The following FUT8 variants were observed in gnomAD, a reference collection of about 807,000 sequenced individuals.
FUT8 encodes alpha-(1,6)-fucosyltransferase.
A neutral mutation model predicts 71.3 loss-of-function variants in FUT8; 29 were observed. The ratio of observed to expected loss-of-function variants is 0.41; its 90% confidence interval spans 0.30 to 0.55. The LOEUF (loss-of-function observed/expected upper bound fraction) is 0.55, where lower values mean the gene tolerates loss of function less well. FUT8 is among the 20% of genes least tolerant of loss of function. The pLI, the probability that FUT8 is intolerant of heterozygous loss-of-function variation, is 0.34. For missense variants in FUT8, 544 were observed against 702.1 expected (o/e 0.77, Z 2.55); for synonymous variants, 254 against 239.3 (o/e 1.06, Z -0.57).
chr14:65,521,469 A>G (rs951703396), intron 2 of FUT8, among the ~76,000 whole-genome samples: 1 of 152,180 alleles, frequency 6.6e-6, no homozygotes, highest in Non-Finnish European at 1.5e-5. Context: ...GTAATAAGGA[A>G]TGTTGGAATT....
rs1428776973 is a variant in FUT8 at position 65,660,728 on chromosome 14, C to T, written c.598-8515C>T. 6.6e-6 allele frequency among the ~76,000 whole-genome samples: 1 copy of T among 152,144 alleles called. No homozygotes were observed. The highest frequency in any genetic ancestry group is 1.9e-4 in the East Asian group (1 of 5,192). On this transcript the variant is annotated intron_variant, in intron 6 of 10. Transcript: ENST00000673929. This position sits in a 1 kb window ranked among gnomAD's most constrained non-coding sequence, Gnocchi z 4.1. The stretch of plus-strand genomic sequence containing the variant: ...TATTCTTGTTTAATATGTTAAGGGA[C>T]AATAATTTCTGGTCTTGGCTTTTAA...
chr14:65,624,284 CTTTT>C (rs61702275), intron 5 of FUT8, among the ~76,000 whole-genome samples: 1 of 145,748 alleles, frequency 6.9e-6, no homozygotes, highest in Admixed American at 6.8e-5. Context: ...TTAGTGTACT[CTTTT>C]TTTTTTTTTT....
chr14:65,611,241 A>G lies in FUT8; in HGVS notation c.204-4737A>G, dbSNP rs1392597463. On this transcript the variant is annotated intron_variant, in intron 3 of 10. Transcript: ENST00000673929. Reference sequence around the variant, plus strand: ...CGCGCGCGCACACACACACACACACACACACACACACACACACACACACAC... The same window carrying G: ...CGCGCGCGCACACACACACACACACGCACACACACACACACACACACACAC... Among the ~76,000 whole-genome samples, 3 of 13,764 alleles carry G rather than the reference A, an allele frequency of 2.2e-4. 1 individual carries two copies. Among genetic ancestry groups the G allele is most frequent in the African/African-American group, 1.0e-3 (3 of 2,862 alleles). The allele number at this position is 13,764 out of a possible 152,430, so 9.0% of individuals were successfully genotyped here.
rs376473739 is a variant in FUT8 at position 65,576,696 on chromosome 14, C to CTTT, written c.203+14969_203+14971dup. ...GGTGTGTGCCATGATGCCCAGCTTG[C>CTTT]TTTTTTTTTTTTTTTTTTTTTTTTT... On this transcript the variant is annotated intron_variant, in intron 3 of 10. Coordinates refer to ENST00000673929, the MANE Select transcript of FUT8 (RefSeq NM_001371533.1). Among the ~76,000 whole-genome samples the CTTT allele has an allele frequency of 3.2e-4, 31 of 96,212 alleles. 5 individuals are homozygous for CTTT. The highest frequency in any genetic ancestry group is 1.5e-3 in the African/African-American group (24 of 15,906). 63.1% of individuals were successfully genotyped at this position (96,212 alleles called of 152,430 possible). A position where few individuals can be genotyped will look rare whatever the true frequency, so the allele number is the denominator to read the frequency against.
At chr14:65,573,222 T>A (rs1886582692) in intron 3 of FUT8, among the ~76,000 whole-genome samples, 1 of 152,030 alleles carries the variant, frequency 6.6e-6, no homozygotes. Context: ...CTTTGCCTGC[T>A]CCCCACCCAC....
intron 9 of FUT8, 52 bp downstream of exon 9, chr14:65,724,375 A>G: frequency 8.7e-7 from 1 of 1,152,270 alleles, no homozygotes; most frequent in Non-Finnish European, 1.2e-6. Flanking sequence ...TTTCAGTTTA[A>G]AAGAATTCTT....
chr14:65,557,018 A>G (rs1371779304), intron 2 of FUT8, among the ~76,000 whole-genome samples: 1 of 152,150 alleles, frequency 6.6e-6, no homozygotes, highest in Non-Finnish European at 1.5e-5. Flanking sequence ...TCAGCATTAA[A>G]ATAAAATTAC....
chr14:65,645,108 T>G (rs1439927126), intron 6 of FUT8, among the ~76,000 whole-genome samples: 1 of 152,194 alleles, frequency 6.6e-6, no homozygotes, highest in Non-Finnish European at 1.5e-5. Context: ...TACTCAAAAT[T>G]TTCATTGCAC....
chr14:65,525,849 A>T (rs1261989972), intron 2 of FUT8, among the ~76,000 whole-genome samples: 2 of 152,192 alleles, frequency 1.3e-5, no homozygotes, highest in African/African-American at 2.4e-5. Context: ...CAGGTTGTTC[A>T]GTTTCCATGT....
intron 7 of FUT8, among the ~76,000 whole-genome samples, chr14:65,696,821 C>G (rs1249891050): frequency 6.6e-6 from 1 of 152,072 alleles, no homozygotes; most frequent in Non-Finnish European, 1.5e-5. Context: ...TTGGTCATAT[C>G]CAACCTACTA....
chr14:65,518,542 T>C (rs1361475653), intron 2 of FUT8, among the ~76,000 whole-genome samples: 1 of 152,188 alleles, frequency 6.6e-6, no homozygotes, highest in African/African-American at 2.4e-5. Context: ...TCTTATTTAT[T>C]TATGAGACAG....
chr14:65,456,922 A>C (rs890313086), intron 2 of FUT8, among the ~76,000 whole-genome samples: 4 of 151,924 alleles, frequency 2.6e-5, no homozygotes, highest in Admixed American at 2.6e-4. Context: ...AGGTGTACAT[A>C]CTTATATTCA....
chr14:65,662,245 C>T (rs1039427274), intron 6 of FUT8, among the ~76,000 whole-genome samples: 4 of 152,056 alleles, frequency 2.6e-5, no homozygotes, highest in Admixed American at 2.0e-4. Context: ...AAACCCATCT[C>T]TACAAAAAAC....
intron 2 of FUT8, chr14:65,471,199 A>G: frequency 5.0e-6 from 1 of 200,338 alleles, no homozygotes; most frequent in South Asian, 9.3e-5. Context: ...ACCAACTGTG[A>G]GCCTGAGTTG....
chr14:65,496,763 A>G (rs1046613795), intron 2 of FUT8, among the ~76,000 whole-genome samples: 1 of 152,154 alleles, frequency 6.6e-6, no homozygotes, highest in Non-Finnish European at 1.5e-5. Flanking sequence ...GACTCTGGCC[A>G]TGATTTTCTT....
chr14:65,480,832 G>A (rs904002822), intron 2 of FUT8, among the ~76,000 whole-genome samples: 2 of 151,828 alleles, frequency 1.3e-5, no homozygotes, highest in Non-Finnish European at 2.9e-5. Flanking sequence ...GACTACAGGC[G>A]TGTACCACCA....
At chr14:65,614,080 C>A (rs1330758826) in intron 3 of FUT8, among the ~76,000 whole-genome samples, 1 of 150,214 alleles carries the variant, frequency 6.7e-6, no homozygotes, top group Non-Finnish European at 1.5e-5. Flanking sequence ...CATCACTGTA[C>A]TCCAGCCTGG....
In FUT8 at chr14:65,417,259, G is replaced by T. The variant is rs1423796619; in HGVS notation, c.-326+4045G>T. ...CTTGGTTGTAAGATTTTTAAAAAATGGATTAGTTTCAAATCTCAACTTCTC... is the reference window on the plus strand; with the variant it reads ...CTTGGTTGTAAGATTTTTAAAAAATTGATTAGTTTCAAATCTCAACTTCTC... On this transcript the variant is annotated intron_variant, in intron 1 of 10. Coordinates refer to ENST00000673929, the MANE Select transcript of FUT8 (RefSeq NM_001371533.1). Among the ~76,000 whole-genome samples the T allele has an allele frequency of 3.3e-5, 5 of 152,086 alleles. No homozygotes were observed. In the East Asian group the frequency reaches 7.7e-4, roughly 24 times the overall value.
rs2073295 is a variant in FUT8 at position 65,741,838 on chromosome 14, A to G, written c.1411-255A>G. On this transcript the variant is annotated intron_variant, in intron 10 of 10. Coordinates refer to ENST00000673929, the MANE Select transcript of FUT8 (RefSeq NM_001371533.1). ...TCATATTCTTAAATTCTTTTGTACTATATAGAGATAGAGAGATTTTAATTG... is the reference window on the plus strand; with the variant it reads ...TCATATTCTTAAATTCTTTTGTACTGTATAGAGATAGAGAGATTTTAATTG... Among the ~76,000 whole-genome samples the G allele has an allele frequency of 5.7e-3, 865 of 152,110 alleles. 29 individuals are homozygous for G. The East Asian group carries it at 0.092, about 16-fold the overall frequency.
Sources: allele counts gnomAD v4.1 joint callset (sites outside exome capture counted in the v4.1 genomes callset), GRCh38; gene constraint gnomAD v4.1.1; non-coding constraint Gnocchi (gnomAD v3.1); transcripts MANE v1.5; gene names NCBI Gene and HGNC (gene_info 2026-07-23, HGNC 2026-07-21).